The following NRG1 variants were observed in gnomAD, a reference collection of about 807,000 sequenced individuals.
The protein encoded by NRG1 is neuregulin 1.
A neutral mutation model predicts 63.8 loss-of-function variants in NRG1; 18 were observed. The ratio of observed to expected loss-of-function variants is 0.28; its 90% confidence interval spans 0.19 to 0.42. The LOEUF (loss-of-function observed/expected upper bound fraction) is 0.42. Ranked by LOEUF, NRG1 falls within the 10% of genes least tolerant of loss-of-function variation. The pLI is 1.00. For missense variants in NRG1, 762 were observed against 814.7 expected (o/e 0.94, Z 0.79); for synonymous variants, 302 against 301.3 (o/e 1.00, Z -0.02).
At chr8:31,852,936 T>C (rs1412406828) in intron 1 of NRG1, among the ~76,000 whole-genome samples, 1 of 152,096 alleles carries the variant, frequency 6.6e-6, no homozygotes. Flanking sequence ...TGTGGCGTTA[T>C]TTCTGAGGGC....
intron 5 of NRG1, among the ~76,000 whole-genome samples, chr8:32,682,480 G>T (rs1441422111): frequency 6.6e-6 from 1 of 152,022 alleles, no homozygotes; most frequent in East Asian, 1.9e-4. Context: ...AATGATCCCT[G>T]TAATACCACT....
intron 1 of NRG1, among the ~76,000 whole-genome samples, chr8:31,833,828 T>A (rs1356037608): frequency 6.6e-6 from 1 of 151,728 alleles, no homozygotes; most frequent in Non-Finnish European, 1.5e-5. Flanking sequence ...CAGGTATAAG[T>A]GGGTTAATTC....
At chr8:32,698,425 T>G (rs1370790208) in intron 5 of NRG1, among the ~76,000 whole-genome samples, 1 of 152,190 alleles carries the variant, frequency 6.6e-6, no homozygotes, top group Non-Finnish European at 1.5e-5. Context: ...GTCTTCTTAG[T>G]ATCAAGGACT....
At chr8:31,997,502 T>A (rs1812206621) in intron 1 of NRG1, among the ~76,000 whole-genome samples, 1 of 152,018 alleles carries the variant, frequency 6.6e-6, no homozygotes, top group South Asian at 2.1e-4. Flanking sequence ...CTCTTTCACA[T>A]TCATCACTTC....
chr8:32,547,091 T>C (rs1190427477), upstream of NRG1, among the ~76,000 whole-genome samples: 1 of 152,228 alleles, frequency 6.6e-6, no homozygotes, highest in Non-Finnish European at 1.5e-5. Context: ...TATTTCACTG[T>C]AAATTAAGAG....
chr8:31,963,997 C>T (rs188227747), intron 1 of NRG1, among the ~76,000 whole-genome samples: 1 of 152,260 alleles, frequency 6.6e-6, no homozygotes, highest in Admixed American at 6.5e-5. Context: ...CCTACATATT[C>T]TCTTCCCTAA....
chr8:32,059,577 T>C (rs75279714), intron 1 of NRG1, among the ~76,000 whole-genome samples: 1,574 of 152,180 alleles, frequency 0.01, 31 homozygotes, highest in South Asian at 0.085. Context: ...AATTCTAGGT[T>C]GAAAAGAGTT....
At chr8:32,291,208 G>A (rs76071180) in intron 1 of NRG1, among the ~76,000 whole-genome samples, 8,154 of 152,240 alleles carry the variant, frequency 0.054, 260 homozygotes, top group South Asian at 0.07. Context: ...AGGGCAATCT[G>A]TTTTAGTCAA....
At chr8:32,438,303 T>A (rs1819043997) in intron 1 of NRG1, among the ~76,000 whole-genome samples, 1 of 152,210 alleles carries the variant, frequency 6.6e-6, no homozygotes, top group East Asian at 1.9e-4. Flanking sequence ...CCAATCAGCA[T>A]AATTCTTTGG....
At chr8:32,616,508 A>G (rs1847390121) in intron 4 of NRG1, among the ~76,000 whole-genome samples, 1 of 152,110 alleles carries the variant, frequency 6.6e-6, no homozygotes, top group Admixed American at 6.6e-5. Context: ...CCACATCTGA[A>G]AGAAGGAATT....
chr8:32,110,886 G>A (rs1186517367), intron 1 of NRG1, among the ~76,000 whole-genome samples: 1 of 152,142 alleles, frequency 6.6e-6, no homozygotes, highest in Non-Finnish European at 1.5e-5. Context: ...AAGCCCAGAA[G>A]CATTGCTGTC....
chr8:32,564,267 G>A (rs1837018416), intron 1 of NRG1, among the ~76,000 whole-genome samples: 1 of 152,208 alleles, frequency 6.6e-6, no homozygotes, highest in African/African-American at 2.4e-5. Context: ...GAAATATTGA[G>A]CAAGCATTGG....
intron 1 of NRG1, among the ~76,000 whole-genome samples, chr8:32,392,659 G>A (rs1344711564): frequency 3.9e-5 from 6 of 152,140 alleles, no homozygotes; most frequent in African/African-American, 1.4e-4. Flanking sequence ...ATCCAGCAGA[G>A]GGAATTTTAG....
chr8:32,714,765 C>G (rs1038570129), intron 5 of NRG1, among the ~76,000 whole-genome samples: 3 of 152,126 alleles, frequency 2.0e-5, no homozygotes, highest in Non-Finnish European at 4.4e-5. Flanking sequence ...CACAGGCATG[C>G]GCATGCACAC....
intron 1 of NRG1, among the ~76,000 whole-genome samples, chr8:32,158,759 A>G (rs1262191250): frequency 6.6e-6 from 1 of 151,888 alleles, no homozygotes; most frequent in Non-Finnish European, 1.5e-5. Flanking sequence ...GACTTAATAG[A>G]TTTGGGAAGG....
chr8:32,369,348 C>A (rs1405741782), intron 1 of NRG1, among the ~76,000 whole-genome samples: 5 of 152,232 alleles, frequency 3.3e-5, no homozygotes, highest in African/African-American at 1.2e-4. Context: ...CAAATCTCAT[C>A]TTTTTTGCCA....
At chr8:31,911,704 C>T (rs187020400) in intron 1 of NRG1, among the ~76,000 whole-genome samples, 44 of 152,308 alleles carry the variant, frequency 2.9e-4, no homozygotes, top group African/African-American at 8.4e-4. Flanking sequence ...AACAAACCTG[C>T]ACATGTACCT....
intron 5 of NRG1, among the ~76,000 whole-genome samples, chr8:32,724,661 T>C (rs1821609860): frequency 6.6e-6 from 1 of 152,158 alleles, no homozygotes; most frequent in Non-Finnish European, 1.5e-5. Flanking sequence ...TTACAACTTA[T>C]TCCTGTGCTT....
intron 1 of NRG1, among the ~76,000 whole-genome samples, chr8:31,890,104 G>A (rs1029939567): frequency 1.3e-5 from 2 of 152,102 alleles, no homozygotes; most frequent in Non-Finnish European, 2.9e-5. Context: ...TCCAATTGAT[G>A]TCAGAAGCAA....
Sources: allele counts gnomAD v4.1 joint callset (sites outside exome capture counted in the v4.1 genomes callset), GRCh38; gene constraint gnomAD v4.1.1; transcripts MANE v1.5; gene names NCBI Gene and HGNC (gene_info 2026-07-23, HGNC 2026-07-21).